Variants in KLF2 observed in about 807,000 individuals in gnomAD.
The protein encoded by KLF2 is KLF transcription factor 2, also known as Krueppel-like factor 2.
Under a neutral mutation model 22.2 loss-of-function variants are expected in KLF2, and 9 were observed. The ratio of observed to expected loss-of-function variants is 0.40; its 90% confidence interval spans 0.24 to 0.71. KLF2 has a LOEUF of 0.71. Among genes scored for constraint, KLF2 ranks in the 30% least tolerant of loss-of-function variants. The pLI is 0.35. For synonymous variants in KLF2, 299 were observed against 264.2 expected (o/e 1.13, Z -1.28); for missense variants, 481 against 542.1 (o/e 0.89, Z 1.12).
rs2091896585 is a variant in KLF2 at position 16,328,447 on chromosome 19, C to A, written c.*1416C>A. The stretch of plus-strand genomic sequence containing the variant: ...CTCAGGGGCCCCGGGTAACCATGAC[C>A]ACCAACCATTGCACAAGTTTCCAGA... On this transcript the variant is annotated 3_prime_UTR_variant, in exon 3 of 3. Transcript: ENST00000248071. Among the ~76,000 whole-genome samples, 1 of 152,136 alleles carries A rather than the reference C, an allele frequency of 6.6e-6. No individual in the cohort carries two copies. The highest frequency in any genetic ancestry group is 2.4e-5 in the African/African-American group (1 of 41,440).
Position 16,325,414 on chromosome 19 carries a change from G to A in KLF2, c.274G>A (p.Val92Met), listed in dbSNP as rs575772626. ...PPYSAPAGGL[V>M]SELLRPELDA... ...CTACAGCGCCCCCGCGGGTGGCCTG[G>A]TGTCTGAGCTGCTGCGACCCGAGCT... is the stretch of plus-strand genomic sequence containing the variant. Residue 92 changes from valine (V) to methionine (M), a missense_variant, in exon 2 of 3, where the codon GTG (valine) becomes ATG (methionine). This residue lies in a region of KLF2 where 421 missense variants were observed against 435.1 expected (regional missense o/e 0.97). Coordinates refer to ENST00000248071, the MANE Select transcript of KLF2 (RefSeq NM_016270.4). The A allele has an allele frequency of 3.4e-4, 479 of 1,427,472 alleles. 2 individuals carry two copies. Among genetic ancestry groups the A allele is most frequent in the Non-Finnish European group, 4.1e-4 (447 of 1,101,618 alleles). 88.4% of individuals were successfully genotyped at this position (1,427,472 alleles called of 1,614,324 possible).
At position 16,326,950 on chromosome 19, in the gene KLF2, C is replaced by G; in HGVS notation, c.987C>G (p.His329Gln). The G allele has an allele frequency of 1.2e-6, 2 of 1,613,612 alleles. No homozygotes were observed. The highest frequency in any genetic ancestry group is 3.3e-5 in the Admixed American group (2 of 60,020). Reference sequence around the variant, plus strand: ...GCCACTACCGAAAGCACACGGGCCACCGGCCATTCCAGTGCCATCTGTGCG... The same window carrying G: ...GCCACTACCGAAAGCACACGGGCCAGCGGCCATTCCAGTGCCATCTGTGCG... ...LTRHYRKHTG[H>Q]RPFQCHLCDR... Residue 329 changes from histidine (H) to glutamine (Q), a missense_variant, in exon 3 of 3, where the codon CAC (histidine) becomes CAG (glutamine). Physicochemically the swap from His to Gln is conservative, Grantham distance 24. Transcript: ENST00000248071.
Position 16,328,576 on chromosome 19 carries a change from T to G in KLF2, c.*1545T>G, listed in dbSNP as rs565465642. Among the ~76,000 whole-genome samples the G allele has an allele frequency of 6.6e-6, 1 of 152,188 alleles. No individual in the cohort carries two copies. Among genetic ancestry groups the G allele is most frequent in the Non-Finnish European group, 1.5e-5 (1 of 68,028 alleles). On this transcript the variant is annotated 3_prime_UTR_variant, in exon 3 of 3. Coordinates refer to ENST00000248071, the MANE Select transcript of KLF2 (RefSeq NM_016270.4). Reference sequence around the variant, plus strand: ...CCCTGCATCCTTCCTCCTCCCCAACTACGGCAGCCCTGGAAACAGCTGAGA... The same window carrying G: ...CCCTGCATCCTTCCTCCTCCCCAACGACGGCAGCCCTGGAAACAGCTGAGA...
chr19:16,326,231 T>G (rs1259719211), intron 2 of KLF2, among the ~76,000 whole-genome samples, 199 bp downstream of exon 2: 1 of 133,016 alleles, frequency 7.5e-6, no homozygotes, highest in East Asian at 2.2e-4. Context: ...GAACACTCCC[T>G]AAGGAAGTGT....
In KLF2 at chr19:16,325,695, C is replaced by A. The variant is rs1004068911; in HGVS notation, c.555C>A (p.Pro185=). Residue 185 remains proline, a synonymous_variant, in exon 2 of 3, where the codon CCC becomes CCA. Coordinates refer to ENST00000248071, the MANE Select transcript of KLF2 (RefSeq NM_016270.4). ...GCCCCGACGGCCCCGCGCGCCTGCC[C>A]GCGCCCGGTCCGCGCGCCTCCTTCC... ...PLSPDGPARL[P]APGPRASFPP... is the part of the protein sequence containing the mutation. 8.8e-7 allele frequency: 1 copy of A among 1,138,782 alleles called. No homozygotes were observed. Among genetic ancestry groups the A allele is most frequent in the African/African-American group, 1.7e-5 (1 of 60,514 alleles). 70.5% of individuals were successfully genotyped at this position (1,138,782 alleles called of 1,614,324 possible). A position where few individuals can be genotyped will look rare whatever the true frequency, so the allele number is the denominator to read the frequency against.
chr19:16,325,030 G>A (rs751659980), intron 1 of KLF2, 32 bp downstream of exon 1: 2 of 1,533,754 alleles, frequency 1.3e-6, no homozygotes, highest in Admixed American at 4.0e-5. Context: ...GGGCGGCCGG[G>A]ACCGTGGGCG....
In KLF2 at chr19:16,325,536, C is replaced by T. The variant is rs1223097032; in HGVS notation, c.396C>T (p.Gly132=). The change falls in exon 2 of 3, where the codon GGC becomes GGT. Residue 132 remains glycine (G), a synonymous_variant. Coordinates refer to ENST00000248071, the MANE Select transcript of KLF2 (RefSeq NM_016270.4). ...AGCCCCCTGAAGCGGACGGCGGCGG[C>T]GGCTACGGCTGCGCCCCCGGGCTGA... ...KAEPPEADGG[G]GYGCAPGLTR... is the part of the protein sequence containing the mutation. 3.2e-6 allele frequency: 4 copies of T among 1,257,610 alleles called. No individual in the cohort carries two copies. Among genetic ancestry groups the T allele is most frequent in the African/African-American group, 3.2e-5 (2 of 62,760 alleles). 77.9% of individuals were successfully genotyped at this position (1,257,610 alleles called of 1,614,324 possible). A position where few individuals can be genotyped will look rare whatever the true frequency, so the allele number is the denominator to read the frequency against.
chr19:16,325,967 A>T lies in KLF2; in HGVS notation c.827A>T (p.Tyr276Phe). Reference protein sequence around the residue: ...RKRTATHTCSYAGCGKTYTKS... With the variant: ...RKRTATHTCSFAGCGKTYTKS... ...CGCACCGCCACTCACACCTGCAGCT[A>T]CGCGGGCTGCGGCAAGACCTACACC... Residue 276 changes from tyrosine (Y) to phenylalanine (F), a missense_variant, in exon 2 of 3, where the codon TAC (tyrosine) becomes TTC (phenylalanine). Around this residue, in one of 2 missense-constraint regions of KLF2, gnomAD observed 421 missense variants for 435.1 expected, o/e 0.97. Transcript: ENST00000248071. 6.5e-7 allele frequency: 1 copy of T among 1,549,084 alleles called. No individual in the cohort carries two copies. Among genetic ancestry groups the T allele is most frequent in the Non-Finnish European group, 8.7e-7 (1 of 1,147,870 alleles).
Position 16,325,973 on chromosome 19 carries a change from G to T in KLF2, c.833G>T (p.Gly278Val). The change falls in exon 2 of 3, where the codon GGC (glycine) becomes GTC (valine). Residue 278 changes from glycine to valine, a missense_variant. Around this residue, in one of 2 missense-constraint regions of KLF2, gnomAD observed 421 missense variants for 435.1 expected, o/e 0.97. Coordinates refer to ENST00000248071, the MANE Select transcript of KLF2 (RefSeq NM_016270.4). Reference sequence around the variant, plus strand: ...GCCACTCACACCTGCAGCTACGCGGGCTGCGGCAAGACCTACACCAAGAGT... The same window carrying T: ...GCCACTCACACCTGCAGCTACGCGGTCTGCGGCAAGACCTACACCAAGAGT... ...RTATHTCSYA[G>V]CGKTYTKSSH... The T allele has an allele frequency of 6.4e-7, 1 of 1,550,388 alleles. No homozygotes were observed. The highest frequency in any genetic ancestry group is 8.7e-7 in the Non-Finnish European group (1 of 1,148,556).
chr19:16,325,825 G>T lies in KLF2; in HGVS notation c.685G>T (p.Ala229Ser). The change falls in exon 2 of 3, where the codon GCG becomes TCG. Residue 229 changes from alanine (A) to serine (S), a missense_variant. By Grantham distance (99) the Ala-to-Ser change is moderately conservative. Around this residue, in one of 2 missense-constraint regions of KLF2, gnomAD observed 421 missense variants for 435.1 expected, o/e 0.97. Transcript: ENST00000248071. ...TCTCTTCGACGACGCGGCCGCCGCC[G>T]CGGCAGCCCTGGGCCTGGCGCCCCC... The part of the protein sequence containing the change: ...FGLFDDAAAA[A>S]AALGLAPPAA... 1 of 1,355,714 alleles carries T rather than the reference G, an allele frequency of 7.4e-7. No individual in the cohort carries two copies. Among genetic ancestry groups the T allele is most frequent in the East Asian group, 3.1e-5 (1 of 31,950 alleles). 84.0% of individuals were successfully genotyped at this position (1,355,714 alleles called of 1,614,324 possible). A position where few individuals can be genotyped will look rare whatever the true frequency, so the allele number is the denominator to read the frequency against.
rs1214193032 is a variant in KLF2, at chr19:16,325,663, C to T, written c.523C>T (p.Pro175Ser). Residue 175 changes from proline (P) to serine (S), a missense_variant, in exon 2 of 3, where the codon CCG becomes TCG. Around this residue, in one of 2 missense-constraint regions of KLF2, gnomAD observed 421 missense variants for 435.1 expected, o/e 0.97. Transcript: ENST00000248071. ...GRPPPPPDTPPLSPDGPARLP... is the reference protein window; with the variant it reads ...GRPPPPPDTPSLSPDGPARLP... Reference sequence around the variant, plus strand: ...CCCCCCGCCGCCGCCCGACACACCGCCGCTCAGCCCCGACGGCCCCGCGCG... The same window carrying T: ...CCCCCCGCCGCCGCCCGACACACCGTCGCTCAGCCCCGACGGCCCCGCGCG... 9.3e-6 allele frequency: 10 copies of T among 1,078,350 alleles called. No homozygotes were observed. The highest frequency in any genetic ancestry group is 5.3e-5 in the Admixed American group (1 of 18,908). 66.8% of individuals were successfully genotyped at this position (1,078,350 alleles called of 1,614,324 possible).
rs528887573 is a variant in KLF2 at position 16,327,175 on chromosome 19, C to T, written c.*144C>T. 1.5e-3 allele frequency: 1,045 copies of T among 676,476 alleles called. 29 individuals are homozygous for T. The Admixed American group carries it at 0.032, about 21-fold the overall frequency. The allele number at this position is 676,476 out of a possible 1,614,324, so 41.9% of individuals were successfully genotyped here. A position where few individuals can be genotyped will look rare whatever the true frequency, so the allele number is the denominator to read the frequency against. ...GGCTACAGAGGGTCTCCCTCGATGA[C>T]GACGACGACGACGCCACCACCCCAG... On this transcript the variant is annotated 3_prime_UTR_variant, in exon 3 of 3. Transcript: ENST00000248071.
Position 16,327,040 on chromosome 19 carries a change from C to T in KLF2, c.*9C>T, listed in dbSNP as rs2091892343. ...TGAAACGGCACATGTAGCCGGGACG[C>T]CCCCGCCCACCTGCGCGCGGCCGTG... On this transcript the variant is annotated 3_prime_UTR_variant, in exon 3 of 3. Coordinates refer to ENST00000248071, the MANE Select transcript of KLF2 (RefSeq NM_016270.4). 1 of 1,564,826 alleles carries T rather than the reference C, an allele frequency of 6.4e-7. No homozygotes were observed. The highest frequency in any genetic ancestry group is 8.7e-7 in the Non-Finnish European group (1 of 1,153,604).
chr19:16,325,837 G>A lies in KLF2; in HGVS notation c.697G>A (p.Gly233Ser), dbSNP rs918114479. Residue 233 changes from glycine (G) to serine (S), a missense_variant, in exon 2 of 3, where the codon GGC (glycine) becomes AGC (serine). Gly to Ser is a moderately conservative substitution (Grantham distance 56, BLOSUM62 0). Coordinates refer to ENST00000248071, the MANE Select transcript of KLF2 (RefSeq NM_016270.4). ...DDAAAAAAAL[G>S]LAPPAARGLL... The stretch of plus-strand genomic sequence containing the variant: ...CGCGGCCGCCGCCGCGGCAGCCCTG[G>A]GCCTGGCGCCCCCCGCCGCCCGCGG... 1.8e-5 allele frequency: 25 copies of A among 1,411,450 alleles called. No homozygotes were observed. Among genetic ancestry groups the A allele is most frequent in the Non-Finnish European group, 2.1e-5 (23 of 1,091,430 alleles). 87.4% of individuals were successfully genotyped at this position (1,411,450 alleles called of 1,614,324 possible).
rs2091894742 is a variant in KLF2 at position 16,327,828 on chromosome 19, GCCT to G, written c.*802_*804del. On this transcript the variant is annotated 3_prime_UTR_variant, in exon 3 of 3. Coordinates refer to ENST00000248071, the MANE Select transcript of KLF2 (RefSeq NM_016270.4). ...GGAAAGTGCTGGTCCCACTGACGTG[GCCT>G]CCTCTACGTTGAAAAAAATAAAACT... 2 of 151,832 alleles carry G rather than the reference GCCT, an allele frequency of 1.3e-5. No individual in the cohort carries two copies. Among genetic ancestry groups the G allele is most frequent in the South Asian group, 2.1e-4 (1 of 4,828 alleles). The allele number at this position is 151,832 out of a possible 1,614,324, so 9.4% of individuals were successfully genotyped here.
chr19:16,326,787 C>T (rs916322969), intron 2 of KLF2, 69 bp from the exon 3 acceptor site: 17 of 1,508,216 alleles, frequency 1.1e-5, no homozygotes, highest in Admixed American at 3.6e-5. Flanking sequence ...AGGTTGCGCT[C>T]GCCGGGGTAG....
chr19:16,326,668 C>T (rs771272320), intron 2 of KLF2, among the ~76,000 whole-genome samples, 188 bp from the exon 3 acceptor site: 1 of 151,822 alleles, frequency 6.6e-6, no homozygotes, highest in Non-Finnish European at 1.5e-5. Context: ...CTCCTCCGAC[C>T]CCCTGGGGGT....
Position 16,325,727 on chromosome 19 carries a change from CT to C in KLF2, c.590del (p.Phe197SerfsTer93), listed in dbSNP as rs1346540178. 1.7e-6 allele frequency: 2 copies of C among 1,203,600 alleles called. No homozygotes were observed. The highest frequency in any genetic ancestry group is 2.1e-6 in the Non-Finnish European group (2 of 973,066). 74.6% of individuals were successfully genotyped at this position (1,203,600 alleles called of 1,614,324 possible). A position where few individuals can be genotyped will look rare whatever the true frequency, so the allele number is the denominator to read the frequency against. Reference protein sequence around the residue: ...APGPRASFPPPFGGPGFGAPG... With the variant: ...APGPRASFPPXFGGPGFGAPG... Reference sequence around the variant, plus strand: ...GGTCCGCGCGCCTCCTTCCCGCCGCCTTTCGGTGGCCCTGGTTTCGGCGCGC... The same window carrying C: ...GGTCCGCGCGCCTCCTTCCCGCCGCCTTCGGTGGCCCTGGTTTCGGCGCGC... On this transcript the variant is annotated frameshift_variant, in exon 2 of 3. Coordinates refer to ENST00000248071, the MANE Select transcript of KLF2 (RefSeq NM_016270.4). LOFTEE classifies it high-confidence loss of function.
Position 16,325,382 on chromosome 19 carries a change from C to T in KLF2, c.242C>T (p.Pro81Leu). The change falls in exon 2 of 3, where the codon CCC (proline) becomes CTC (leucine). Residue 81 changes from proline (P) to leucine (L), a missense_variant. This residue lies in a region of KLF2 where 421 missense variants were observed against 435.1 expected (regional missense o/e 0.97). Coordinates refer to ENST00000248071, the MANE Select transcript of KLF2 (RefSeq NM_016270.4). ...TTCTATTACCCCGAACCCGGCGCGC[C>T]CCCGCCCTACAGCGCCCCCGCGGGT... ...PAFYYPEPGAPPPYSAPAGGL... is the reference protein window; with the variant it reads ...PAFYYPEPGALPPYSAPAGGL... 2 of 1,427,730 alleles carry T rather than the reference C, an allele frequency of 1.4e-6. No individual in the cohort carries two copies. The highest frequency in any genetic ancestry group is 2.9e-5 in the South Asian group (2 of 68,440). The allele number at this position is 1,427,730 out of a possible 1,614,324, so 88.4% of individuals were successfully genotyped here.
Sources: gnomAD v4.1 joint callset for allele counts (sites outside exome capture counted in the v4.1 genomes callset) on GRCh38, gnomAD v4.1.1 for gene constraint, gnomAD v4.1.1 regional missense constraint, MANE v1.5 for transcripts, NCBI Gene and HGNC (gene_info 2026-07-23, HGNC 2026-07-21) for gene names.